Variants in RPS6KA2 observed in about 807,000 individuals in gnomAD.
The protein encoded by RPS6KA2 is ribosomal protein S6 kinase A2, also known as ribosomal protein S6 kinase alpha-2.
In RPS6KA2, 42 loss-of-function variants were observed where a neutral mutation model predicts 91.8. The ratio of observed to expected loss-of-function variants is 0.46; its 90% confidence interval spans 0.36 to 0.59. The LOEUF (loss-of-function observed/expected upper bound fraction) is 0.59, where lower values mean the gene tolerates loss of function less well. RPS6KA2 is among the 20% of genes least tolerant of loss of function. The pLI is 0.00. For missense variants in RPS6KA2, 798 were observed against 978.5 expected, an observed-to-expected ratio of 0.82 and a Z score of 2.46; for synonymous variants, 414 against 393.6, an observed-to-expected ratio of 1.05 and a Z score of -0.61.
At chr6:166,697,980 G>C (rs1355561446) in intron 2 of RPS6KA2, among the ~76,000 whole-genome samples, 1 of 152,192 alleles carries the variant, frequency 6.6e-6, no homozygotes, top group East Asian at 1.9e-4. Flanking sequence ...TAGAAGGATG[G>C]TGAAGAAGTG....
chr6:166,520,266 C>T (rs973707050), intron 3 of RPS6KA2, among the ~76,000 whole-genome samples: 1 of 152,184 alleles, frequency 6.6e-6, no homozygotes, highest in African/African-American at 2.4e-5. Context: ...GGAACTTATA[C>T]CACCAGCTCT....
intron 14 of RPS6KA2, chr6:166,439,819 GCTGA>G (rs1779462346): frequency 1.3e-5 from 2 of 152,256 alleles, no homozygotes; most frequent in African/African-American, 2.4e-5. Context: ...GCCATGTGGG[GCTGA>G]CTGTCACAGA....
intron 1 of RPS6KA2, among the ~76,000 whole-genome samples, chr6:166,559,987 T>A (rs1784292506): frequency 6.6e-6 from 1 of 152,206 alleles, no homozygotes; most frequent in Non-Finnish European, 1.5e-5. Context: ...AACATACACA[T>A]GTGAACTTAC....
chr6:166,754,719 G>A (rs889962752), intron 2 of RPS6KA2, among the ~76,000 whole-genome samples: 1 of 152,176 alleles, frequency 6.6e-6, no homozygotes, highest in Non-Finnish European at 1.5e-5. Flanking sequence ...CCCCACCAAT[G>A]TCAAAGCATC....
intron 2 of RPS6KA2, among the ~76,000 whole-genome samples, chr6:166,772,259 C>G (rs1048028845): frequency 2.0e-5 from 3 of 151,794 alleles, no homozygotes; most frequent in African/African-American, 7.3e-5. Flanking sequence ...CCCCAGCCCC[C>G]CCACCACTGG....
Position 166,423,382 on chromosome 6 carries a change from C to G in RPS6KA2, c.1617G>C (p.Leu539=). ...CTGGGCTCCCCGACTCATCCCTGTA[C>G]AGGATGTTACTCGGCTTCAGGTCTC... ...VHRDLKPSNI[L]YRDESGSPES... is the part of the protein sequence containing the mutation. Residue 539 remains leucine, a synonymous_variant, in exon 17 of 21, where the codon CTG becomes CTC. Transcript: ENST00000265678. The surrounding 1 kb of genome is among the most constrained non-coding windows in gnomAD (Gnocchi z 4.8). 1 of 1,613,468 alleles carries G rather than the reference C, an allele frequency of 6.2e-7. No homozygotes were observed. The highest frequency in any genetic ancestry group is 8.5e-7 in the Non-Finnish European group (1 of 1,179,466).
In RPS6KA2 at chr6:166,852,643, G is replaced by A. The variant is rs942402022; in HGVS notation, c.123+5557C>T. ...GACCCTTTTCCTCACCAGGGGACTC[G>A]TCGAGGGGTCCAAGCAGCAACGGCT... On this transcript the variant is annotated intron_variant, in intron 2 of 21. Transcript: ENST00000503859. This position sits in a 1 kb window ranked among gnomAD's most constrained non-coding sequence, Gnocchi z 4.1. Among the ~76,000 whole-genome samples, 3 of 151,970 alleles carry A rather than the reference G, an allele frequency of 2.0e-5. No individual in the cohort carries two copies. The highest frequency in any genetic ancestry group is 1.9e-4 in the East Asian group (1 of 5,154).
intron 2 of RPS6KA2, among the ~76,000 whole-genome samples, chr6:166,760,502 G>A (rs1177102758): frequency 2.6e-5 from 4 of 152,176 alleles, no homozygotes; most frequent in African/African-American, 9.7e-5. Flanking sequence ...CACCCCCATC[G>A]CGGTCTGGTT....
chr6:166,508,086 C>G lies in RPS6KA2; in HGVS notation c.459+117G>C. ...ACTCACACATGCACACACCCCCACA[C>G]ACACACACGCACTCTCGCACGTGCT... On this transcript the variant is annotated intron_variant, in intron 5 of 20. Transcript: ENST00000265678. The surrounding 1 kb of genome is among the most constrained non-coding windows in gnomAD (Gnocchi z 4.3). 1 of 660,512 alleles carries G rather than the reference C, an allele frequency of 1.5e-6. No homozygotes were observed. The highest frequency in any genetic ancestry group is 2.7e-6 in the Non-Finnish European group (1 of 365,082). The allele number at this position is 660,512 out of a possible 1,614,324, so 40.9% of individuals were successfully genotyped here.
At chr6:166,844,910 T>C (rs1780570327) in intron 2 of RPS6KA2, among the ~76,000 whole-genome samples, 1 of 151,954 alleles carries the variant, frequency 6.6e-6, no homozygotes. Context: ...AATAGCACAA[T>C]GAAAAGAATA....
intron 2 of RPS6KA2, among the ~76,000 whole-genome samples, chr6:166,807,639 G>A (rs577012557): frequency 1.3e-5 from 2 of 151,880 alleles, no homozygotes; most frequent in African/African-American, 4.8e-5. Flanking sequence ...TGACCTCTGC[G>A]GCCTCTCCCC....
At chr6:166,756,949 TG>T (rs1324295733) in intron 2 of RPS6KA2, among the ~76,000 whole-genome samples, 1 of 152,206 alleles carries the variant, frequency 6.6e-6, no homozygotes, top group Non-Finnish European at 1.5e-5. Context: ...CAGTTTGGGA[TG>T]ATGAAAACGT....
intron 1 of RPS6KA2, among the ~76,000 whole-genome samples, chr6:166,566,755 G>T (rs1233478044): frequency 6.6e-6 from 1 of 152,182 alleles, no homozygotes; most frequent in African/African-American, 2.4e-5. Flanking sequence ...CTAGAGGGGC[G>T]GGGATGAGCT....
chr6:166,649,228 C>T lies in RPS6KA2; in HGVS notation c.124-110444G>A, dbSNP rs540074726. 7.9e-5 allele frequency among the ~76,000 whole-genome samples: 12 copies of T among 152,286 alleles called. No homozygotes were observed. In the East Asian group the frequency reaches 1.7e-3, roughly 22 times the overall value. On this transcript the variant is annotated intron_variant, in intron 2 of 21. Transcript: ENST00000503859. Reference sequence around the variant, plus strand: ...GCGTTCCTGCCCCTGCGCCCGTCTGCGCTCCTGCCCCTGCCCTCCCCTCTT... The same window carrying T: ...GCGTTCCTGCCCCTGCGCCCGTCTGTGCTCCTGCCCCTGCCCTCCCCTCTT...
At chr6:166,596,116 A>G (rs1380509145) in intron 1 of RPS6KA2, among the ~76,000 whole-genome samples, 2 of 152,222 alleles carry the variant, frequency 1.3e-5, no homozygotes, top group African/African-American at 4.8e-5. Context: ...ACTAGAGTTG[A>G]TGTGCAGGAG....
At chr6:166,843,314 A>C (rs1386129288) in intron 2 of RPS6KA2, among the ~76,000 whole-genome samples, 2 of 152,168 alleles carry the variant, frequency 1.3e-5, no homozygotes, top group African/African-American at 4.8e-5. Flanking sequence ...AAGACGAAGG[A>C]CATAATCCCT....
intron 10 of RPS6KA2, among the ~76,000 whole-genome samples, chr6:166,472,797 C>G (rs1780819731): frequency 1.3e-5 from 2 of 152,174 alleles, no homozygotes; most frequent in Admixed American, 1.3e-4. Flanking sequence ...ATGCGGATGA[C>G]ACGCACTGAA....
intron 2 of RPS6KA2, among the ~76,000 whole-genome samples, chr6:166,782,316 C>T (rs918013300): frequency 1.3e-5 from 2 of 152,128 alleles, no homozygotes; most frequent in African/African-American, 4.8e-5. Context: ...AACAAAATGT[C>T]TCTAGACGTT....
At chr6:166,510,166 G>A in intron 4 of RPS6KA2, 111 bp downstream of exon 4, 1 of 633,710 alleles carries the variant, frequency 1.6e-6, no homozygotes, top group South Asian at 2.2e-5. Flanking sequence ...AGGACTCTAT[G>A]GTATAGGAAA....
Sources: allele counts gnomAD v4.1 joint callset (sites outside exome capture counted in the v4.1 genomes callset), GRCh38; gene constraint gnomAD v4.1.1; non-coding constraint Gnocchi (gnomAD v3.1); transcripts MANE v1.5; gene names NCBI Gene and HGNC (gene_info 2026-07-23, HGNC 2026-07-21).